The following EPB41L2 variants were observed in gnomAD, a reference collection of about 807,000 sequenced individuals.
EPB41L2 encodes erythrocyte membrane protein band 4.1 like 2, also known as band 4.1-like protein 2.
EPB41L2 carries 43 observed loss-of-function variants against 113.0 expected under a neutral mutation model. The observed-to-expected ratio is 0.38, with a 90% CI of 0.30 to 0.49. The LOEUF (loss-of-function observed/expected upper bound fraction) is 0.49. Among genes scored for constraint, EPB41L2 ranks in the 20% least tolerant of loss-of-function variants. The pLI is 0.95. For synonymous variants in EPB41L2, 442 were observed against 436.7 expected (o/e 1.01, Z -0.15); for missense variants, 1,147 against 1,223.4 (o/e 0.94, Z 0.93).
chr6:130,890,669 A>G (rs547132729), intron 10 of EPB41L2, among the ~76,000 whole-genome samples: 1 of 152,332 alleles, frequency 6.6e-6, no homozygotes, highest in East Asian at 1.9e-4. Context: ...GTAAATCCAC[A>G]TTCATGTATT....
chr6:130,960,747 C>T (rs765774748), intron 1 of EPB41L2, among the ~76,000 whole-genome samples: 20 of 152,186 alleles, frequency 1.3e-4, no homozygotes, highest in Non-Finnish European at 5.9e-5. Context: ...AACATGATTA[C>T]AGTACATCCA....
chr6:131,002,794 T>C (rs934727870), intron 1 of EPB41L2, among the ~76,000 whole-genome samples: 5 of 152,222 alleles, frequency 3.3e-5, no homozygotes, highest in African/African-American at 1.2e-4. Context: ...TCCAATCGCT[T>C]GGGCCAAATT....
intron 4 of EPB41L2, among the ~76,000 whole-genome samples, chr6:130,912,233 C>T (rs1424098191): frequency 6.6e-6 from 1 of 152,112 alleles, no homozygotes. Flanking sequence ...AGGTTGGGGA[C>T]CACTGTATTA....
At chr6:131,034,648 C>T (rs1174166168) in intron 1 of EPB41L2, among the ~76,000 whole-genome samples, 1 of 152,184 alleles carries the variant, frequency 6.6e-6, no homozygotes, top group African/African-American at 2.4e-5. Flanking sequence ...TGGTGCTCTT[C>T]CTACACTTAG....
chr6:130,959,060 A>G (rs1173045617), intron 1 of EPB41L2, among the ~76,000 whole-genome samples: 1 of 152,182 alleles, frequency 6.6e-6, no homozygotes, highest in African/African-American at 2.4e-5. Context: ...AAAGAACAAG[A>G]AATTAATCTA....
intron 19 of EPB41L2, among the ~76,000 whole-genome samples, chr6:130,854,145 T>A (rs191701102): frequency 1.3e-5 from 2 of 152,308 alleles, no homozygotes; most frequent in East Asian, 3.9e-4. Flanking sequence ...TATTTTGTTC[T>A]CTCATAGCAT....
intron 5 of EPB41L2, among the ~76,000 whole-genome samples, chr6:130,908,581 G>A (rs1562458741): frequency 6.6e-6 from 1 of 152,158 alleles, no homozygotes; most frequent in Non-Finnish European, 1.5e-5. Flanking sequence ...AATGTCAGAT[G>A]TTACTTGGTA....
chr6:131,050,689 C>T (rs1796341469), intron 1 of EPB41L2, among the ~76,000 whole-genome samples: 1 of 152,224 alleles, frequency 6.6e-6, no homozygotes, highest in African/African-American at 2.4e-5. Flanking sequence ...AATTTTCACC[C>T]TTACAATATT....
At chr6:130,944,161 A>G (rs956713247) in intron 3 of EPB41L2, among the ~76,000 whole-genome samples, 1 of 140,796 alleles carries the variant, frequency 7.1e-6, no homozygotes, top group Admixed American at 7.1e-5. Flanking sequence ...ATATACGTAC[A>G]TACACACACA....
At chr6:130,849,146 TG>T (rs1363963586) in intron 19 of EPB41L2, among the ~76,000 whole-genome samples, 3 of 152,292 alleles carry the variant, frequency 2.0e-5, no homozygotes, top group Non-Finnish European at 4.4e-5. Flanking sequence ...AGCACTGTGG[TG>T]ACCTAGAGAG....
chr6:130,863,663 C>A lies in EPB41L2; in HGVS notation c.2885G>T (p.Gly962Val). The change falls in exon 18 of 20, where the codon GGA becomes GTA. Residue 962 changes from glycine to valine, a missense_variant. Physicochemically the swap from Gly to Val is moderately radical, Grantham distance 109 (BLOSUM62 -3). Transcript: ENST00000337057. ...TRIEKRIVITGDGDIDHDQAL... is the reference protein window; with the variant it reads ...TRIEKRIVITVDGDIDHDQAL... Reference sequence around the variant, plus strand: ...CTGGTCATGATCAATATCTCCATCTCCTGTGATCACAATGCGTTTCTCAAT... The same window carrying A: ...CTGGTCATGATCAATATCTCCATCTACTGTGATCACAATGCGTTTCTCAAT... 1 of 1,613,316 alleles carries A rather than the reference C, an allele frequency of 6.2e-7. No homozygotes were observed.
intron 3 of EPB41L2, among the ~76,000 whole-genome samples, chr6:130,942,075 T>C (rs888264797): frequency 1.3e-5 from 2 of 152,240 alleles, no homozygotes; most frequent in Non-Finnish European, 2.9e-5. Context: ...TATTTTATTA[T>C]GTTATACCGC....
chr6:130,958,783 AG>A (rs1818369260), intron 1 of EPB41L2, among the ~76,000 whole-genome samples: 1 of 152,256 alleles, frequency 6.6e-6, no homozygotes, highest in African/African-American at 2.4e-5. Flanking sequence ...AAAGGAAGGC[AG>A]AAGCCAAAAC....
intron 15 of EPB41L2, chr6:130,868,091 A>C (rs1334622988): frequency 1.2e-5 from 2 of 160,244 alleles, no homozygotes; most frequent in East Asian, 3.6e-4. Context: ...TTTTATTATA[A>C]TTTAAAGGAC....
intron 1 of EPB41L2, among the ~76,000 whole-genome samples, chr6:131,029,696 G>C (rs889961819): frequency 6.6e-6 from 1 of 152,112 alleles, no homozygotes. Context: ...CATTTACTTC[G>C]GAAAAACTTA....
chr6:131,009,184 A>C (rs1250060333), intron 1 of EPB41L2, among the ~76,000 whole-genome samples: 1 of 152,116 alleles, frequency 6.6e-6, no homozygotes, highest in Non-Finnish European at 1.5e-5. Flanking sequence ...GCAGTTCCCC[A>C]AGCTGTTCTT....
At chr6:130,872,376 G>GC in intron 14 of EPB41L2, 2 of 1,287,310 alleles carry the variant, frequency 1.6e-6, no homozygotes, top group Non-Finnish European at 2.0e-6. Context: ...TGCACCTCAA[G>GC]CAAGTGTGAG....
intron 19 of EPB41L2, among the ~76,000 whole-genome samples, chr6:130,855,432 A>T (rs1037540132): frequency 1.3e-5 from 2 of 152,152 alleles, no homozygotes; most frequent in Non-Finnish European, 2.9e-5. Context: ...AGCACAGTAC[A>T]TTTACTCAGG....
intron 3 of EPB41L2, among the ~76,000 whole-genome samples, chr6:130,928,771 C>T (rs1010288265): frequency 6.6e-6 from 1 of 152,226 alleles, no homozygotes. Flanking sequence ...TATCATTCAA[C>T]ATTTTGTAAG....
Sources: allele counts gnomAD v4.1 joint callset (sites outside exome capture counted in the v4.1 genomes callset), GRCh38; gene constraint gnomAD v4.1.1; transcripts MANE v1.5; gene names NCBI Gene and HGNC (gene_info 2026-07-23, HGNC 2026-07-21).